HCN4: variants seen among roughly 807,000 people sequenced by gnomAD.
HCN4 encodes hyperpolarization activated cyclic nucleotide gated potassium channel 4.
HCN4 carries 29 observed loss-of-function variants against 76.9 expected under a neutral mutation model. The ratio of observed to expected loss-of-function variants is 0.38; its 90% CI spans 0.28 to 0.51. The LOEUF (loss-of-function observed/expected upper bound fraction) is 0.51. Ranked by LOEUF, HCN4 falls within the 20% of genes least tolerant of loss-of-function variation. The probability of loss-of-function intolerance (pLI) is 0.90; values close to 1 mark genes in which losing one functional copy is unlikely to be tolerated. For missense variants in HCN4, 1,416 were observed against 1,715.2 expected (o/e 0.83, Z 3.08); for synonymous variants, 772 against 762.5 (o/e 1.01, Z -0.21).
Position 73,343,049 on chromosome 15 carries a change from C to T in HCN4, c.1209+336G>A, listed in dbSNP as rs191704842. On this transcript the variant is annotated intron_variant, in intron 2 of 7. Transcript: ENST00000261917. This position sits in a 1 kb window ranked among gnomAD's most constrained non-coding sequence, Gnocchi z 5.7. ...TAATAATGTGGGCTCTAGAGGTGAT[C>T]GGCTTAAGTTCACATTCCAGGTTCA... is the stretch of plus-strand genomic sequence containing the variant. Among the ~76,000 whole-genome samples, 20 of 152,308 alleles carry T rather than the reference C, an allele frequency of 1.3e-4. No homozygotes were observed. Among genetic ancestry groups the T allele is most frequent in the African/African-American group, 3.8e-4 (16 of 41,568 alleles).
chr15:73,325,251 C>T lies in HCN4; in HGVS notation c.1737+47G>A. 1 of 1,614,048 alleles carries T rather than the reference C, an allele frequency of 6.2e-7. No individual in the cohort carries two copies. Among genetic ancestry groups the T allele is most frequent in the Non-Finnish European group, 8.5e-7 (1 of 1,179,966 alleles). On this transcript the variant is annotated intron_variant, in intron 5 of 7. Coordinates refer to ENST00000261917, the MANE Select transcript of HCN4 (RefSeq NM_005477.3). This position sits in a 1 kb window ranked among gnomAD's most constrained non-coding sequence, Gnocchi z 7.4. Reference sequence around the variant, plus strand: ...AGGAGGTGGTGAGGGGAGCTGGCTGCCAGGAAGGCCTGGCTCCCCTCCACG... The same window carrying T: ...AGGAGGTGGTGAGGGGAGCTGGCTGTCAGGAAGGCCTGGCTCCCCTCCACG...
chr15:73,366,768 C>T (rs2043130103), intron 1 of HCN4, among the ~76,000 whole-genome samples: 1 of 152,212 alleles, frequency 6.6e-6, no homozygotes, highest in African/African-American at 2.4e-5. Flanking sequence ...ATGGATGGGC[C>T]ACTGGACAAG....
At chr15:73,329,885 A>C in intron 3 of HCN4, 94 bp from the exon 4 acceptor site, 1 of 1,059,330 alleles carries the variant, frequency 9.4e-7, no homozygotes, top group Non-Finnish European at 1.4e-6. Flanking sequence ...CCTCAACCTA[A>C]CTTTCTCAGT....
intron 1 of HCN4, among the ~76,000 whole-genome samples, chr15:73,358,959 T>C (rs1480308163): frequency 6.6e-6 from 1 of 152,190 alleles, no homozygotes; most frequent in Non-Finnish European, 1.5e-5. Context: ...GAATGGGTGA[T>C]ATGGTATTCT....
chr15:73,342,703 C>T (rs779310109), intron 2 of HCN4, among the ~76,000 whole-genome samples: 97 of 152,226 alleles, frequency 6.4e-4, no homozygotes, highest in Non-Finnish European at 9.8e-4. Flanking sequence ...ATCCCCAAAA[C>T]ATCCCTTTCA....
Position 73,320,753 on chromosome 15 carries a change from C to T in HCN4, c.*1728G>A, listed in dbSNP as rs1169549619. 1.3e-5 allele frequency: 2 copies of T among 152,538 alleles called. No homozygotes were observed. Among genetic ancestry groups the T allele is most frequent in the Non-Finnish European group, 1.5e-5 (1 of 68,250 alleles). The allele number at this position is 152,538 out of a possible 1,614,324, so 9.4% of individuals were successfully genotyped here. On this transcript the variant is annotated 3_prime_UTR_variant, in exon 8 of 8. Coordinates refer to ENST00000261917, the MANE Select transcript of HCN4 (RefSeq NM_005477.3). The stretch of plus-strand genomic sequence containing the variant: ...CCCCTCCCAAAGCCCTGATCCACCA[C>T]TCCACATCCACCTCAGGAATCTCCC...
In HCN4 at chr15:73,322,358, T is replaced by C; in HGVS notation, c.*123A>G. On this transcript the variant is annotated 3_prime_UTR_variant, in exon 8 of 8. Transcript: ENST00000261917. Reference sequence around the variant, plus strand: ...GTTATTTTCTGCTGTCTTTTGTTTTTCTGGTGTGTGTGGTTTTTTAAATAA... The same window carrying C: ...GTTATTTTCTGCTGTCTTTTGTTTTCCTGGTGTGTGTGGTTTTTTAAATAA... 1.1e-6 allele frequency: 1 copy of C among 880,688 alleles called. No homozygotes were observed. The highest frequency in any genetic ancestry group is 2.7e-5 in the East Asian group (1 of 36,434). The allele number at this position is 880,688 out of a possible 1,614,324, so 54.6% of individuals were successfully genotyped here. A position where few individuals can be genotyped will look rare whatever the true frequency, so the allele number is the denominator to read the frequency against.
rs532186403 is a variant in HCN4 at position 73,322,696 on chromosome 15, C to T, written c.3397G>A (p.Gly1133Arg). The part of the protein sequence containing the change: ...GGGSGGSGSS[G>R]GLGPPGRPYG... Reference sequence around the variant, plus strand: ...GGCCTCCCAGGGGGACCGAGGCCCCCGCTGCTCCCACTGCCCCCGCTGCCA... The same window carrying T: ...GGCCTCCCAGGGGGACCGAGGCCCCTGCTGCTCCCACTGCCCCCGCTGCCA... Residue 1133 changes from glycine to arginine, a missense_variant, in exon 8 of 8, where the codon GGG becomes AGG. Gly to Arg is a moderately radical substitution (Grantham distance 125). Coordinates refer to ENST00000261917, the MANE Select transcript of HCN4 (RefSeq NM_005477.3). The T allele has an allele frequency of 4.4e-6, 7 of 1,579,212 alleles. No homozygotes were observed. Among genetic ancestry groups the T allele is most frequent in the Non-Finnish European group, 4.3e-6 (5 of 1,163,314 alleles).
In HCN4 at chr15:73,347,393, G is replaced by A. The variant is rs111286009; in HGVS notation, c.786-3585C>T. Among the ~76,000 whole-genome samples, 1,433 of 152,266 alleles carry A rather than the reference G, an allele frequency of 9.4e-3. 12 individuals are homozygous for A. Among genetic ancestry groups the A allele is most frequent in the Non-Finnish European group, 0.015 (1,002 of 68,006 alleles). On this transcript the variant is annotated intron_variant, in intron 1 of 7. Transcript: ENST00000261917. ...TTTCTGACACCTTTACATCACAGTG[G>A]AAAGGCAGCCTACCACAGCAGGTGT...
At chr15:73,346,206 T>C (rs1363030343) in intron 1 of HCN4, among the ~76,000 whole-genome samples, 3 of 152,008 alleles carry the variant, frequency 2.0e-5, no homozygotes, top group Middle Eastern at 6.3e-3. Flanking sequence ...CAGTATAATA[T>C]GGTGGGAGGA....
chr15:73,325,406 G>T lies in HCN4; in HGVS notation c.1629C>A (p.Leu543=), dbSNP rs1000217690. ...GGATGCGCTGCCGGGTGTCGGGCGG[G>T]AGCTTGTGAAAGGACATGTACTGCT... ...QVEQYMSFHK[L]PPDTRQRIHD... is the part of the protein sequence containing the mutation. Residue 543 remains leucine, a synonymous_variant, in exon 5 of 8, where the codon CTC becomes CTA. Transcript: ENST00000261917. This position sits in a 1 kb window ranked among gnomAD's most constrained non-coding sequence, Gnocchi z 7.4. 6.2e-7 allele frequency: 1 copy of T among 1,614,026 alleles called. No homozygotes were observed. Among genetic ancestry groups the T allele is most frequent in the Non-Finnish European group, 8.5e-7 (1 of 1,180,004 alleles).
At chr15:73,334,952 C>T in intron 2 of HCN4, among the ~76,000 whole-genome samples, 1 of 152,012 alleles carries the variant, frequency 6.6e-6, no homozygotes, top group East Asian at 1.9e-4. Context: ...AGTTGGCACC[C>T]TCATGAGTGG....
At chr15:73,352,630 A>G (rs939791873) in intron 1 of HCN4, among the ~76,000 whole-genome samples, 3 of 152,164 alleles carry the variant, frequency 2.0e-5, no homozygotes, top group Admixed American at 6.5e-5. Context: ...TTCCAGCCTG[A>G]GCTGTGCAGG....
chr15:73,340,082 C>T (rs904179925), intron 2 of HCN4, among the ~76,000 whole-genome samples: 1 of 152,146 alleles, frequency 6.6e-6, no homozygotes, highest in African/African-American at 2.4e-5. Context: ...GGGGCCTCTG[C>T]CTCCCCCAGA....
intron 1 of HCN4, among the ~76,000 whole-genome samples, chr15:73,358,734 C>G (rs911118279): frequency 6.6e-6 from 1 of 152,192 alleles, no homozygotes; most frequent in Non-Finnish European, 1.5e-5. Context: ...AACACCCACC[C>G]CAGCCAGGCG....
intron 4 of HCN4, 115 bp downstream of exon 4, chr15:73,329,458 T>TTCC: frequency 1.1e-6 from 1 of 921,570 alleles, no homozygotes; most frequent in Non-Finnish European, 1.7e-6. Flanking sequence ...ACACTGGGAG[T>TTCC]TCCGATCCTG....
chr15:73,324,720 T>C lies in HCN4; in HGVS notation c.1978+235A>G, dbSNP rs552034094. On this transcript the variant is annotated intron_variant, in intron 6 of 7. Transcript: ENST00000261917. ...ACCATGCTGGCCCCCTCAGCTCAGA[T>C]GGCCAGCCTCCAGAACCATGACACA... Among the ~76,000 whole-genome samples, 31 of 152,272 alleles carry C rather than the reference T, an allele frequency of 2.0e-4. 2 individuals are homozygous for C. Among genetic ancestry groups the C allele is most frequent in the Admixed American group, 1.7e-3 (26 of 15,302 alleles).
In HCN4 at chr15:73,323,724, G is replaced by T; in HGVS notation, c.2369C>A (p.Ser790Tyr). Residue 790 changes from serine to tyrosine, a missense_variant, in exon 8 of 8, where the codon TCT becomes TAT. Ser to Tyr is a moderately radical substitution (Grantham distance 144). This residue lies in a region of HCN4 where 633 missense variants were observed against 579.8 expected (regional missense o/e 1.09). Coordinates refer to ENST00000261917, the MANE Select transcript of HCN4 (RefSeq NM_005477.3). ...GTGGTGGGTGAGGGCTATGGCCACA[G>T]AAGTGGTGGCAGCGGCAGCCTGCAG... ...APLQAAAATT[S>Y]VAIALTHHPR... 1 of 1,603,134 alleles carries T rather than the reference G, an allele frequency of 6.2e-7. No homozygotes were observed.
At chr15:73,335,254 G>C (rs2042956611) in intron 2 of HCN4, 1 of 152,378 alleles carries the variant, frequency 6.6e-6, no homozygotes, top group African/African-American at 2.4e-5. Context: ...GGAGGCCAAG[G>C]GTACTGGAGG....
Sources: allele counts gnomAD v4.1 joint callset (sites outside exome capture counted in the v4.1 genomes callset), GRCh38; gene constraint gnomAD v4.1.1; regional missense constraint gnomAD v4.1.1; non-coding constraint Gnocchi (gnomAD v3.1); transcripts MANE v1.5; gene names NCBI Gene and HGNC (gene_info 2026-07-23, HGNC 2026-07-21).